The following IGSF21 variants were observed in gnomAD, a reference collection of about 807,000 sequenced individuals.
IGSF21 encodes immunoglobulin superfamily member 21.
Under a neutral mutation model 46.8 loss-of-function variants are expected in IGSF21, and 28 were observed. The ratio of observed to expected loss-of-function variants is 0.60; its 90% CI spans 0.44 to 0.82. The LOEUF is 0.82. Ranked by LOEUF, IGSF21 falls within the 40% of genes least tolerant of loss-of-function variation. IGSF21 has a pLI of 0.00. For missense variants in IGSF21, 624 were observed against 665.5 expected (o/e 0.94, Z 0.69); for synonymous variants, 284 against 273.6 (o/e 1.04, Z -0.38).
At chr1:18,362,266 T>G in intron 5 of IGSF21, 36 bp downstream of exon 5, 1 of 1,458,280 alleles carries the variant, frequency 6.9e-7, no homozygotes, top group Non-Finnish European at 9.5e-7. Flanking sequence ...CCTTCCTATC[T>G]GCCGGACCAC....
chr1:18,230,877 C>A lies in IGSF21; in HGVS notation c.183+2867C>A, dbSNP rs979634361. ...CTCCTCTGACCCCTTCCTCCCCTGC[C>A]AGACGAACCCCCCACTGTGGCTTCC... On this transcript the variant is annotated intron_variant, in intron 2 of 9. Coordinates refer to ENST00000251296, the MANE Select transcript of IGSF21 (RefSeq NM_032880.5). 2.3e-4 allele frequency among the ~76,000 whole-genome samples: 35 copies of A among 152,114 alleles called. 1 individual carries two copies. Among genetic ancestry groups the A allele is most frequent in the African/African-American group, 8.0e-4 (33 of 41,504 alleles).
chr1:18,122,388 G>T (rs1297737631), intron 1 of IGSF21, among the ~76,000 whole-genome samples: 1 of 151,360 alleles, frequency 6.6e-6, no homozygotes, highest in Non-Finnish European at 1.5e-5. Context: ...ACAGGGTTTT[G>T]CCATGTTGGC....
intron 2 of IGSF21, among the ~76,000 whole-genome samples, chr1:18,267,888 C>T (rs2085005032): frequency 1.3e-5 from 2 of 152,234 alleles, no homozygotes; most frequent in African/African-American, 4.8e-5. Flanking sequence ...GTATTGTCTG[C>T]AATAACAGAC....
chr1:18,163,753 A>G (rs1376237509), intron 1 of IGSF21, among the ~76,000 whole-genome samples: 1 of 152,090 alleles, frequency 6.6e-6, no homozygotes, highest in Admixed American at 6.6e-5. Context: ...GGGGTGGGAG[A>G]AGGGAAGGAA....
intron 1 of IGSF21, among the ~76,000 whole-genome samples, chr1:18,138,382 T>C (rs557429016): frequency 1.7e-4 from 26 of 152,276 alleles, no homozygotes; most frequent in Admixed American, 1.6e-3. Flanking sequence ...CACTTGCTTC[T>C]TTGGGGTCTA....
At chr1:18,153,649 T>A (rs1246731142) in intron 1 of IGSF21, among the ~76,000 whole-genome samples, 1 of 150,972 alleles carries the variant, frequency 6.6e-6, no homozygotes, top group Non-Finnish European at 1.5e-5. Context: ...GATCTCTACT[T>A]CGCAAATGAG....
At chr1:18,315,158 C>T (rs1191959312) in intron 3 of IGSF21, among the ~76,000 whole-genome samples, 3 of 152,110 alleles carry the variant, frequency 2.0e-5, no homozygotes, top group Non-Finnish European at 4.4e-5. Context: ...AGCATTTCCA[C>T]GGCCCATCTC....
intron 1 of IGSF21, among the ~76,000 whole-genome samples, chr1:18,124,709 C>T (rs2086261206): frequency 6.6e-6 from 1 of 152,198 alleles, no homozygotes; most frequent in South Asian, 2.1e-4. Flanking sequence ...GCTGTGTTGT[C>T]TCTGGCCTCG....
chr1:18,188,794 A>G (rs1281816139), intron 1 of IGSF21, among the ~76,000 whole-genome samples: 1 of 152,226 alleles, frequency 6.6e-6, no homozygotes, highest in Non-Finnish European at 1.5e-5. Context: ...AAGTCAGTTG[A>G]TCAAGGACTC....
rs2085743536 is a variant in IGSF21 at position 18,334,218 on chromosome 1, G to T, written c.306-674G>T. ...GTGGCTGCTCCCCAACCTGAGCTCAGATAAGCTCACGCTTTTCCATGTGAG... is the reference window on the plus strand; with the variant it reads ...GTGGCTGCTCCCCAACCTGAGCTCATATAAGCTCACGCTTTTCCATGTGAG... On this transcript the variant is annotated intron_variant, in intron 3 of 9. Transcript: ENST00000251296. This position sits in a 1 kb window ranked among gnomAD's most constrained non-coding sequence, Gnocchi z 4.3. Among the ~76,000 whole-genome samples, 1 of 152,160 alleles carries T rather than the reference G, an allele frequency of 6.6e-6. No homozygotes were observed. Among genetic ancestry groups the T allele is most frequent in the Non-Finnish European group, 1.5e-5 (1 of 68,030 alleles).
Position 18,290,814 on chromosome 1 carries a change from C to T in IGSF21, c.184-1052C>T, listed in dbSNP as rs985131766. On this transcript the variant is annotated intron_variant, in intron 2 of 9. Coordinates refer to ENST00000251296, the MANE Select transcript of IGSF21 (RefSeq NM_032880.5). The surrounding 1 kb of genome is among the most constrained non-coding windows in gnomAD (Gnocchi z 4.2). ...CCTACCCCAGCCCCTTGGAGTCACC[C>T]GTCCCTAGCCAGCCCCCTCCCTGCC... is the stretch of plus-strand genomic sequence containing the variant. 6.6e-6 allele frequency among the ~76,000 whole-genome samples: 1 copy of T among 152,050 alleles called. No individual in the cohort carries two copies. Among genetic ancestry groups the T allele is most frequent in the African/African-American group, 2.4e-5 (1 of 41,396 alleles).
At chr1:18,321,896 C>G (rs1217353876) in intron 3 of IGSF21, among the ~76,000 whole-genome samples, 1 of 152,174 alleles carries the variant, frequency 6.6e-6, no homozygotes, top group Non-Finnish European at 1.5e-5. Flanking sequence ...TAAGCAACAT[C>G]CCTGTGACTC....
At chr1:18,164,334 AC>A (rs1429537725) in intron 1 of IGSF21, among the ~76,000 whole-genome samples, 1 of 137,016 alleles carries the variant, frequency 7.3e-6, no homozygotes, top group Non-Finnish European at 1.6e-5. Flanking sequence ...CTTCCTTCTG[AC>A]CCCCTTCTTT....
At chr1:18,281,816 A>T (rs942109790) in intron 2 of IGSF21, among the ~76,000 whole-genome samples, 6 of 152,092 alleles carry the variant, frequency 3.9e-5, no homozygotes, top group Middle Eastern at 3.2e-3. Flanking sequence ...GGACATGATC[A>T]CCTGGTCTGG....
chr1:18,323,232 T>C (rs903685129), intron 3 of IGSF21, among the ~76,000 whole-genome samples: 1 of 152,182 alleles, frequency 6.6e-6, no homozygotes, highest in Middle Eastern at 3.4e-3. Flanking sequence ...AGGTCTGGGG[T>C]GTCCCTCTAG....
At chr1:18,226,337 G>A (rs1405413521) in intron 1 of IGSF21, among the ~76,000 whole-genome samples, 2 of 152,156 alleles carry the variant, frequency 1.3e-5, no homozygotes, top group African/African-American at 4.8e-5. Context: ...GCAATGCCTG[G>A]GTCTCTGCTT....
At chr1:18,350,779 AC>A (rs2085944121) in intron 4 of IGSF21, among the ~76,000 whole-genome samples, 1 of 152,136 alleles carries the variant, frequency 6.6e-6, no homozygotes, top group South Asian at 2.1e-4. Flanking sequence ...TTGCTCTCTG[AC>A]TCGGGAAATC....
intron 2 of IGSF21, among the ~76,000 whole-genome samples, chr1:18,266,332 C>A (rs1435525278): frequency 6.6e-6 from 1 of 152,194 alleles, no homozygotes. Context: ...AGCCCAAATT[C>A]TTGACCATAT....
intron 1 of IGSF21, among the ~76,000 whole-genome samples, chr1:18,145,116 G>GC (rs1382301117): frequency 1.3e-5 from 2 of 152,186 alleles, no homozygotes; most frequent in Non-Finnish European, 2.9e-5. Flanking sequence ...GATGACTGCT[G>GC]CTCGTGGCAT....
Sources: allele counts gnomAD v4.1 joint callset (sites outside exome capture counted in the v4.1 genomes callset), GRCh38; gene constraint gnomAD v4.1.1; non-coding constraint Gnocchi (gnomAD v3.1); transcripts MANE v1.5; gene names NCBI Gene and HGNC (gene_info 2026-07-23, HGNC 2026-07-21).